The following IZUMO2 variants were observed in gnomAD, a reference collection of about 807,000 sequenced individuals.
The protein encoded by IZUMO2 is IZUMO family member 2, also known as izumo sperm-egg fusion protein 2.
In IZUMO2, 24 loss-of-function variants were observed where a neutral mutation model predicts 31.2. The ratio of observed to expected loss-of-function variants is 0.77; its 90% CI spans 0.56 to 1.08. IZUMO2 has a LOEUF of 1.08. Among genes scored for constraint, IZUMO2 ranks in the 50% least tolerant of loss-of-function variants. The pLI is 0.00. For missense variants in IZUMO2, 278 were observed against 274.0 expected, an observed-to-expected ratio of 1.01 and a Z score of -0.10; for synonymous variants, 144 against 117.3, an observed-to-expected ratio of 1.23 and a Z score of -1.47.
rs551900685 is a variant in IZUMO2, at chr19:50,163,195, G to A, written c.-1C>T. ...GCAGAAGGGTCAAAGCCAGAGGCAT[G>A]GCGGGGCCTTTGTGACGTCACAGAG... On this transcript the variant is annotated 5_prime_UTR_variant, in exon 1 of 7. Coordinates refer to ENST00000293405, the MANE Select transcript of IZUMO2 (RefSeq NM_152358.3). 464 of 1,546,960 alleles carry A rather than the reference G, an allele frequency of 3.0e-4. 8 individuals carry two copies. In the South Asian group the frequency reaches 5.1e-3, roughly 17 times the overall value.
intron 2 of IZUMO2, among the ~76,000 whole-genome samples, chr19:50,161,902 TC>T (rs2030411962): frequency 6.6e-6 from 1 of 152,026 alleles, no homozygotes; most frequent in Non-Finnish European, 1.5e-5. Context: ...ATCCTGCACA[TC>T]CCCCGCTCCC....
chr19:50,154,770 C>T (rs1350336918), intron 5 of IZUMO2, 44 bp from the exon 6 acceptor site: 1 of 1,604,536 alleles, frequency 6.2e-7, no homozygotes, highest in Admixed American at 1.7e-5. Context: ...CGTCACCACC[C>T]CTCCTTAGCC....
chr19:50,157,636 G>C (rs1019124023), intron 5 of IZUMO2, among the ~76,000 whole-genome samples: 9 of 140,644 alleles, frequency 6.4e-5, no homozygotes, highest in Admixed American at 6.4e-4. Context: ...ATGAGAATAC[G>C]TTTTTTAGGC....
At chr19:50,157,268 T>C (rs79189122) in intron 5 of IZUMO2, among the ~76,000 whole-genome samples, 17,072 of 151,390 alleles carry the variant, frequency 0.11, 1,115 homozygotes, top group Non-Finnish European at 0.12. Flanking sequence ...AGCATGACTA[T>C]TCAACCCGGA....
At chr19:50,160,887 C>T (rs1317855119) in intron 2 of IZUMO2, 1 of 152,170 alleles carries the variant, frequency 6.6e-6, no homozygotes, top group African/African-American at 2.4e-5. Context: ...GTTTATATTA[C>T]TAGCCCAGAG....
intron 6 of IZUMO2, chr19:50,153,646 AT>A (rs1441642090): frequency 2.0e-5 from 3 of 152,146 alleles, no homozygotes; most frequent in African/African-American, 7.2e-5. Context: ...TAATGAAAAT[AT>A]AACAATTAGC....
intron 5 of IZUMO2, among the ~76,000 whole-genome samples, chr19:50,155,071 G>A (rs1466822419): frequency 6.6e-6 from 1 of 152,184 alleles, no homozygotes; most frequent in African/African-American, 2.4e-5. Flanking sequence ...GATGGGGTGG[G>A]GTGAGGAGGA....
At chr19:50,152,705 G>A (rs1012053094) in intron 6 of IZUMO2, 54 bp from the exon 7 acceptor site, 1 of 1,457,858 alleles carries the variant, frequency 6.9e-7, no homozygotes, top group African/African-American at 1.4e-5. Context: ...AGCTTTTCCA[G>A]ATCAAGAGAC....
At chr19:50,159,438 G>T in intron 3 of IZUMO2, 56 bp downstream of exon 3, 1 of 1,350,768 alleles carries the variant, frequency 7.4e-7, no homozygotes. Context: ...TGGTAAAAGG[G>T]GATCAAGAGG....
intron 3 of IZUMO2, 116 bp from the exon 4 acceptor site, chr19:50,159,366 T>C (rs1322563125): frequency 1.5e-5 from 19 of 1,290,408 alleles, no homozygotes; most frequent in South Asian, 2.5e-5. Flanking sequence ...GAAGGGAAGA[T>C]TGGGGAGAGA....
At chr19:50,154,420 G>A (rs1183422401) in intron 6 of IZUMO2, among the ~76,000 whole-genome samples, 180 bp downstream of exon 6, 2 of 150,456 alleles carry the variant, frequency 1.3e-5, no homozygotes, top group Admixed American at 6.7e-5. Context: ...AGAAAGGTAC[G>A]GGGCAGGGGG....
At position 50,159,267 on chromosome 19, in the gene IZUMO2, C is replaced by A; in HGVS notation, c.395-17G>T. The A allele has an allele frequency of 6.2e-7, 1 of 1,609,948 alleles. No homozygotes were observed. The highest frequency in any genetic ancestry group is 8.5e-7 in the Non-Finnish European group (1 of 1,178,786). ...GGTTGCAGGCTGCAAGAGAAAATTG[C>A]TGAGGTGAGTTAAATTGGGATGGCA... On this transcript the variant is annotated splice_polypyrimidine_tract_variant and intron_variant, in intron 3 of 6. Transcript: ENST00000293405.
chr19:50,161,415 C>G (rs1439316086), intron 2 of IZUMO2, among the ~76,000 whole-genome samples: 1 of 152,170 alleles, frequency 6.6e-6, no homozygotes, highest in Non-Finnish European at 1.5e-5. Context: ...AGCCACTGTG[C>G]CCGGCTGACG....
intron 2 of IZUMO2, chr19:50,160,763 A>T (rs1485996742): frequency 6.6e-6 from 1 of 152,210 alleles, no homozygotes; most frequent in Non-Finnish European, 1.5e-5. Context: ...TACAGGCATG[A>T]GCCACCGTGC....
chr19:50,158,404 G>C (rs2123056073), intron 4 of IZUMO2, 56 bp from the exon 5 acceptor site: 1 of 1,191,830 alleles, frequency 8.4e-7, no homozygotes, highest in South Asian at 1.3e-5. Context: ...GGACCGGCAA[G>C]GGTGGAAAGG....
chr19:50,162,973 C>T lies in IZUMO2; in HGVS notation c.222G>A (p.Val74=). ...TCTCCCAACACGCACCCACTTTCCC[C>T]ACAAACACGTTCAGCGCGTAGTCCC... The part of the protein sequence containing the change: ...FFRDYALNVF[V]GKVETNQLDL... The change falls in exon 1 of 7, where the codon GTG becomes GTA. Residue 74 remains valine (V), a synonymous_variant. Transcript: ENST00000293405. 6.2e-7 allele frequency: 1 copy of T among 1,613,506 alleles called. No homozygotes were observed. Among genetic ancestry groups the T allele is most frequent in the Non-Finnish European group, 8.5e-7 (1 of 1,179,788 alleles).
At chr19:50,158,583 G>C (rs898725285) in intron 4 of IZUMO2, among the ~76,000 whole-genome samples, 5 of 152,184 alleles carry the variant, frequency 3.3e-5, no homozygotes, top group Non-Finnish European at 5.9e-5. Flanking sequence ...TCTGCTTGTG[G>C]ACATTTAATT....
At chr19:50,152,769 T>G in intron 6 of IZUMO2, 118 bp from the exon 7 acceptor site, 1 of 860,850 alleles carries the variant, frequency 1.2e-6, no homozygotes, top group Non-Finnish European at 1.9e-6. Flanking sequence ...ATTTGGCTCA[T>G]CCAGTGACGT....
chr19:50,154,529 AG>A (rs66651303), intron 6 of IZUMO2, 70 bp downstream of exon 6: 1,548,671 of 1,548,676 alleles, frequency 1, 774,333 homozygotes, highest in Middle Eastern at 1. Flanking sequence ...TGACCCATCC[AG>A]GGGAGTCGCC....
Sources: allele counts gnomAD v4.1 joint callset (sites outside exome capture counted in the v4.1 genomes callset), GRCh38; gene constraint gnomAD v4.1.1; transcripts MANE v1.5; gene names NCBI Gene and HGNC (gene_info 2026-07-23, HGNC 2026-07-21).